LEPR: variants seen among roughly 807,000 people sequenced by gnomAD.
LEPR encodes the protein OB receptor.
Under a neutral mutation model 114.7 loss-of-function variants are expected in LEPR, and 56 were observed. The observed-to-expected ratio is 0.49, with a 90% CI of 0.39 to 0.61. The LOEUF is 0.61. Among genes scored for constraint, LEPR ranks in the 20% least tolerant of loss-of-function variants. The pLI is 0.00. For synonymous variants in LEPR, 443 were observed against 461.4 expected (o/e 0.96, Z 0.51); for missense variants, 1,202 against 1,352.9 (o/e 0.89, Z 1.75).
At chr1:65,626,446 G>A (rs1195533477) in intron 19 of LEPR, 1 of 381,410 alleles carries the variant, frequency 2.6e-6, no homozygotes, top group African/African-American at 2.2e-5. Flanking sequence ...TAACCCACAA[G>A]ATGCTTAGTT....
At chr1:65,455,762 G>C (rs1250211690) in intron 2 of LEPR, among the ~76,000 whole-genome samples, 1 of 152,244 alleles carries the variant, frequency 6.6e-6, no homozygotes, top group Non-Finnish European at 1.5e-5. Context: ...CCCCAGAGGT[G>C]GAGCCTACAG....
chr1:65,613,481 C>A (rs1356407951), intron 14 of LEPR, among the ~76,000 whole-genome samples: 1 of 141,492 alleles, frequency 7.1e-6, no homozygotes, highest in Non-Finnish European at 1.5e-5. Context: ...GGGCCGGGCG[C>A]GGTGGCTCAC....
chr1:65,501,932 T>G (rs1052317278), intron 2 of LEPR, among the ~76,000 whole-genome samples: 11 of 152,114 alleles, frequency 7.2e-5, no homozygotes, highest in African/African-American at 2.4e-4. Flanking sequence ...ATGTTACTTT[T>G]GAAGAAGAGA....
intron 2 of LEPR, among the ~76,000 whole-genome samples, chr1:65,523,295 A>C (rs1649728364): frequency 1.3e-5 from 2 of 152,052 alleles, no homozygotes; most frequent in South Asian, 4.1e-4. Context: ...GTTTAATGAT[A>C]CTTATTTTTA....
At chr1:65,541,325 C>T (rs948091248) in intron 2 of LEPR, among the ~76,000 whole-genome samples, 2 of 151,926 alleles carry the variant, frequency 1.3e-5, no homozygotes, top group Admixed American at 6.6e-5. Context: ...TAGATTACAC[C>T]GTAGGTAAGA....
At position 65,448,834 on chromosome 1, in the gene LEPR, T is replaced by A. The variant is rs577280330; in HGVS notation, c.-21+23456T>A. On this transcript the variant is annotated intron_variant, in intron 2 of 19. Transcript: ENST00000349533. ...CATAAAGTTGTTCATAGTTGTCCAT[T>A]ATTATCCCGTTAGTGTCCGTGGGAT... 7.9e-4 allele frequency among the ~76,000 whole-genome samples: 121 copies of A among 152,350 alleles called. 1 individual carries two copies. Among genetic ancestry groups the A allele is most frequent in the Non-Finnish European group, 1.5e-3 (102 of 68,036 alleles).
chr1:65,421,088 C>G (rs1276513733), intron 1 of LEPR, among the ~76,000 whole-genome samples: 2 of 152,198 alleles, frequency 1.3e-5, no homozygotes, highest in Non-Finnish European at 2.9e-5. Flanking sequence ...CGCCTTTCTT[C>G]TGGTTTTCTG....
rs537902196 is a variant in LEPR at position 65,497,866 on chromosome 1, A to T, written c.-20-67680A>T. ...TGAGAGTAGGGATAAGGTCTTATTT[A>T]AAAAAAATTCAAGTTAAATCAGTGC... On this transcript the variant is annotated intron_variant, in intron 2 of 19. Coordinates refer to ENST00000349533, the MANE Select transcript of LEPR (RefSeq NM_002303.6). Among the ~76,000 whole-genome samples the T allele has an allele frequency of 3.5e-3, 533 of 152,170 alleles. 3 individuals are homozygous for T. Among genetic ancestry groups the T allele is most frequent in the Non-Finnish European group, 5.4e-3 (365 of 67,978 alleles).
rs77680599 is a variant in LEPR at position 65,439,239 on chromosome 1, C to T, written c.-21+13861C>T. 5.1e-3 allele frequency among the ~76,000 whole-genome samples: 775 copies of T among 152,092 alleles called. 8 individuals carry two copies. Among genetic ancestry groups the T allele is most frequent in the African/African-American group, 0.018 (742 of 41,474 alleles). ...TTGAAAGCAATCACAGTAAAAATCCCGGTAAGATTTTTAGGAGAAATTAAT... is the reference window on the plus strand; with the variant it reads ...TTGAAAGCAATCACAGTAAAAATCCTGGTAAGATTTTTAGGAGAAATTAAT... On this transcript the variant is annotated intron_variant, in intron 2 of 19. Coordinates refer to ENST00000349533, the MANE Select transcript of LEPR (RefSeq NM_002303.6).
At position 65,639,966 on chromosome 1, in the gene LEPR, T is replaced by C. The variant is rs1397435432; in HGVS notation, c.*2951T>C. The C allele has an allele frequency of 6.6e-6, 1 of 152,122 alleles. No homozygotes were observed. The highest frequency in any genetic ancestry group is 2.4e-5 in the African/African-American group (1 of 41,416). The allele number at this position is 152,122 out of a possible 1,614,324, so 9.4% of individuals were successfully genotyped here. A position where few individuals can be genotyped will look rare whatever the true frequency, so the allele number is the denominator to read the frequency against. On this transcript the variant is annotated 3_prime_UTR_variant, in exon 20 of 20. Coordinates refer to ENST00000349533, the MANE Select transcript of LEPR (RefSeq NM_002303.6). The stretch of plus-strand genomic sequence containing the variant: ...AGAAAAATAGGAGCAGTTTTTTTTT[T>C]CTTTTTAAACCTAGTCACCAAATGG...
At chr1:65,475,057 GT>G (rs1217053296) in intron 2 of LEPR, among the ~76,000 whole-genome samples, 1 of 106,888 alleles carries the variant, frequency 9.4e-6, no homozygotes, top group Non-Finnish European at 2.3e-5. Flanking sequence ...ATTTTGAAAG[GT>G]GAAAAAAAAA....
intron 2 of LEPR, among the ~76,000 whole-genome samples, chr1:65,445,918 G>A (rs906526312): frequency 6.6e-6 from 1 of 151,880 alleles, no homozygotes; most frequent in Non-Finnish European, 1.5e-5. Flanking sequence ...AATATTATGG[G>A]GTTCTTTTCA....
intron 11 of LEPR, among the ~76,000 whole-genome samples, chr1:65,606,411 C>T (rs982329164): frequency 6.6e-6 from 1 of 152,064 alleles, no homozygotes; most frequent in Admixed American, 6.5e-5. Flanking sequence ...ACTAAAATAA[C>T]GAGTTTAGGT....
At chr1:65,455,817 G>A (rs1313279219) in intron 2 of LEPR, among the ~76,000 whole-genome samples, 1 of 152,076 alleles carries the variant, frequency 6.6e-6, no homozygotes, top group Non-Finnish European at 1.5e-5. Context: ...CACCCAGTTC[G>A]AGCTTCCTGG....
chr1:65,554,405 C>T (rs971060162), intron 2 of LEPR, among the ~76,000 whole-genome samples: 2 of 152,170 alleles, frequency 1.3e-5, no homozygotes, highest in African/African-American at 4.8e-5. Context: ...TTCAGAGATG[C>T]CCTGCCCAGA....
rs185021620 is a variant in LEPR, at chr1:65,532,885, T to G, written c.-20-32661T>G. Among the ~76,000 whole-genome samples the G allele has an allele frequency of 1.9e-3, 295 of 152,272 alleles. 5 individuals carry two copies. The highest frequency in any genetic ancestry group is 3.7e-3 in the Admixed American group (57 of 15,290). On this transcript the variant is annotated intron_variant, in intron 2 of 19. Transcript: ENST00000349533. The stretch of plus-strand genomic sequence containing the variant: ...GGTGCATTGTGGGGTGATGATAATA[T>G]TTTGAAATTAGACAGTGGTGATGAT...
chr1:65,454,560 A>G (rs1323049261), intron 2 of LEPR, among the ~76,000 whole-genome samples: 1 of 152,128 alleles, frequency 6.6e-6, no homozygotes. Flanking sequence ...TTGGCTGGAT[A>G]TGAAATTCTG....
At chr1:65,539,104 T>A (rs1419616597) in intron 2 of LEPR, among the ~76,000 whole-genome samples, 1 of 111,976 alleles carries the variant, frequency 8.9e-6, no homozygotes, top group Admixed American at 9.9e-5. Context: ...TAATTATGCA[T>A]TTTTTTTAAA....
intron 2 of LEPR, among the ~76,000 whole-genome samples, chr1:65,533,213 A>G (rs1191536159): frequency 2.0e-5 from 3 of 152,170 alleles, no homozygotes; most frequent in Non-Finnish European, 4.4e-5. Context: ...AACTCAGTAT[A>G]TGGAGACAGA....
Sources: gnomAD v4.1 joint callset for allele counts (sites outside exome capture counted in the v4.1 genomes callset) on GRCh38, gnomAD v4.1.1 for gene constraint, MANE v1.5 for transcripts, NCBI Gene and HGNC (gene_info 2026-07-23, HGNC 2026-07-21) for gene names.